RBFOX1: variants seen among roughly 807,000 people sequenced by gnomAD.
RBFOX1 encodes RNA binding protein fox-1 homolog 1.
Under a neutral mutation model 57.7 loss-of-function variants are expected in RBFOX1, and 8 were observed. The ratio of observed to expected loss-of-function variants is 0.14; its 90% CI spans 0.08 to 0.25. The LOEUF is 0.25. Among genes scored for constraint, RBFOX1 ranks in the 10% least tolerant of loss-of-function variants. The probability of loss-of-function intolerance (pLI) is 1.00; values close to 1 mark genes in which losing one functional copy is unlikely to be tolerated. For synonymous variants in RBFOX1, 326 were observed against 222.4 expected (o/e 1.47, Z -4.15); for missense variants, 611 against 548.5 (o/e 1.11, Z -1.14).
intron 4 of RBFOX1, among the ~76,000 whole-genome samples, chr16:7,313,446 CTTTT>C (rs1029369350): frequency 6.9e-6 from 1 of 145,160 alleles, no homozygotes; most frequent in African/African-American, 2.5e-5. Context: ...TTTCTTTCTT[CTTTT>C]TTATCTTTTT....
In RBFOX1 at chr16:7,003,183, A is replaced by G. The variant is rs543007401; in HGVS notation, c.-15-48874A>G. On this transcript the variant is annotated intron_variant, in intron 3 of 15. Coordinates refer to ENST00000550418, the MANE Select transcript of RBFOX1 (RefSeq NM_018723.4). ...TCGTTTAAAAAGGAGTTTCTGGGCC[A>G]GGCACGGTGGCTCACGCCTGTAATC... Among the ~76,000 whole-genome samples, 30 of 152,274 alleles carry G rather than the reference A, an allele frequency of 2.0e-4. No individual in the cohort carries two copies. The South Asian group carries it at 2.1e-3, about 11-fold the overall frequency.
chr16:7,573,169 A>G (rs948027783), intron 5 of RBFOX1, among the ~76,000 whole-genome samples: 1 of 152,264 alleles, frequency 6.6e-6, no homozygotes, highest in East Asian at 1.9e-4. Context: ...CAAGAGGGCA[A>G]GCTACAGGTG....
chr16:5,830,967 TC>T (rs34245667), intron 3 of RBFOX1, among the ~76,000 whole-genome samples: 71,259 of 151,706 alleles, frequency 0.47, 16,990 homozygotes, highest in East Asian at 0.62. Flanking sequence ...CCATTTCCTA[TC>T]CCCCCCCAAC....
intron 3 of RBFOX1, among the ~76,000 whole-genome samples, chr16:5,732,595 C>T (rs1037032017): frequency 1.3e-5 from 2 of 152,216 alleles, no homozygotes; most frequent in Non-Finnish European, 2.9e-5. Flanking sequence ...TTAGGCCTTT[C>T]TGGGTCTCCG....
At chr16:7,214,626 C>T (rs1014248814) in intron 4 of RBFOX1, among the ~76,000 whole-genome samples, 11 of 152,192 alleles carry the variant, frequency 7.2e-5, no homozygotes, top group East Asian at 5.8e-4. Flanking sequence ...CAAATCTGAT[C>T]ATGTCTGAGC....
chr16:5,464,179 A>C (rs1270389763), intron 1 of RBFOX1, among the ~76,000 whole-genome samples: 1 of 152,164 alleles, frequency 6.6e-6, no homozygotes, highest in African/African-American at 2.4e-5. Context: ...TGTGGAGTTG[A>C]TAATGTCTGT....
At chr16:6,542,483 C>CTTGTTTTTTTTTTTT (rs2096834996) in intron 2 of RBFOX1, among the ~76,000 whole-genome samples, 1 of 55,720 alleles carries the variant, frequency 1.8e-5, no homozygotes, top group Non-Finnish European at 3.0e-5. Context: ...GGACCATAGT[C>CTTGTTTTTTTTTTTT]TTTTTTTTTT....
chr16:7,347,713 G>C (rs534487351), intron 4 of RBFOX1, among the ~76,000 whole-genome samples: 2 of 152,288 alleles, frequency 1.3e-5, no homozygotes, highest in South Asian at 4.1e-4. Flanking sequence ...TTCTCAGCTA[G>C]GATCTGATGG....
At chr16:7,696,075 G>A (rs2078712186) in intron 14 of RBFOX1, among the ~76,000 whole-genome samples, 1 of 152,160 alleles carries the variant, frequency 6.6e-6, no homozygotes. Context: ...CTTGTGTCGA[G>A]AGTGCCAACA....
At chr16:6,865,165 G>C (rs898967416) in intron 3 of RBFOX1, among the ~76,000 whole-genome samples, 5 of 151,704 alleles carry the variant, frequency 3.3e-5, no homozygotes, top group African/African-American at 7.3e-5. Flanking sequence ...ACCACTCCTG[G>C]GTAATTTTTG....
At chr16:7,429,956 A>T (rs1475471885) in intron 4 of RBFOX1, among the ~76,000 whole-genome samples, 1 of 152,166 alleles carries the variant, frequency 6.6e-6, no homozygotes, top group African/African-American at 2.4e-5. Flanking sequence ...TGTTGCATTG[A>T]CCTACTTACT....
intron 4 of RBFOX1, among the ~76,000 whole-genome samples, chr16:5,922,341 C>A (rs137976646): frequency 6.6e-6 from 1 of 152,174 alleles, no homozygotes; most frequent in African/African-American, 2.4e-5. Context: ...AGGGGACAAA[C>A]ATCTAAACCA....
chr16:6,968,935 C>T (rs1246493697), intron 3 of RBFOX1, among the ~76,000 whole-genome samples: 2 of 151,868 alleles, frequency 1.3e-5, no homozygotes, highest in Admixed American at 1.3e-4. Flanking sequence ...AGTTCCCAGT[C>T]CCACAGTGAC....
chr16:5,426,699 G>A (rs2067571371), intron 1 of RBFOX1, among the ~76,000 whole-genome samples: 1 of 152,190 alleles, frequency 6.6e-6, no homozygotes, highest in Non-Finnish European at 1.5e-5. Flanking sequence ...TCTTGTGGCT[G>A]TTTTTTCTGT....
chr16:7,391,277 C>G (rs78871876), intron 4 of RBFOX1, among the ~76,000 whole-genome samples: 2,088 of 152,288 alleles, frequency 0.014, 23 homozygotes, highest in Non-Finnish European at 0.023. Context: ...TGATGTCCCT[C>G]TAAGAGAGTT....
chr16:6,838,300 T>C (rs1286040444), intron 3 of RBFOX1, among the ~76,000 whole-genome samples: 2 of 152,174 alleles, frequency 1.3e-5, no homozygotes, highest in African/African-American at 4.8e-5. Flanking sequence ...GTTCCTGTGA[T>C]GGTTTGCTGA....
At chr16:6,906,754 G>A (rs960328658) in intron 3 of RBFOX1, among the ~76,000 whole-genome samples, 5 of 142,672 alleles carry the variant, frequency 3.5e-5, no homozygotes. Flanking sequence ...ACAGAGTCTT[G>A]CTCTGTTGCT....
chr16:6,912,226 T>C (rs1323092023), intron 3 of RBFOX1, among the ~76,000 whole-genome samples: 2 of 152,210 alleles, frequency 1.3e-5, no homozygotes, highest in Non-Finnish European at 2.9e-5. Flanking sequence ...GTGGAGTTTC[T>C]CAAACTTGAG....
chr16:5,642,310 G>A (rs1414896966), intron 3 of RBFOX1, among the ~76,000 whole-genome samples: 3 of 152,214 alleles, frequency 2.0e-5, no homozygotes, highest in African/African-American at 7.2e-5. Flanking sequence ...TTAAGCAGCT[G>A]TGCGAATTAC....
Sources: allele counts gnomAD v4.1 joint callset (sites outside exome capture counted in the v4.1 genomes callset), GRCh38; gene constraint gnomAD v4.1.1; transcripts MANE v1.5; gene names NCBI Gene and HGNC (gene_info 2026-07-23, HGNC 2026-07-21).